The following LARP4B variants were observed in gnomAD, a reference collection of about 807,000 sequenced individuals.
LARP4B encodes la-related protein 4B.
In LARP4B, 12 loss-of-function variants were observed where a neutral mutation model predicts 89.8. That is an observed-to-expected ratio of 0.13 (90% CI 0.09 to 0.22). LARP4B has a LOEUF of 0.22. Ranked by LOEUF, LARP4B falls within the 10% of genes least tolerant of loss-of-function variation. The pLI is 1.00. For synonymous variants in LARP4B, 367 were observed against 363.3 expected (o/e 1.01, Z -0.12); for missense variants, 757 against 947.7 (o/e 0.80, Z 2.64).
At chr10:823,057 A>G (rs1261642281) in intron 13 of LARP4B, among the ~76,000 whole-genome samples, 3 of 152,210 alleles carry the variant, frequency 2.0e-5, no homozygotes, top group African/African-American at 7.2e-5. Context: ...CCTCCCTGCA[A>G]AACAGCACAA....
At chr10:891,182 T>C (rs1001966898) in intron 1 of LARP4B, among the ~76,000 whole-genome samples, 2 of 150,074 alleles carry the variant, frequency 1.3e-5, no homozygotes, top group East Asian at 1.9e-4. Context: ...CATGTGATCA[T>C]GACCCTAAAT....
At chr10:949,508 G>C in the LARP4B span, among the ~76,000 whole-genome samples, 1 of 129,726 alleles carries the variant, frequency 7.7e-6, no homozygotes, top group Non-Finnish European at 1.6e-5. Context: ...ACGAGCCCCA[G>C]GTGAGTGACC....
chr10:864,339 A>G lies in LARP4B; in HGVS notation c.142-69T>C, dbSNP rs1834781154. The G allele has an allele frequency of 4.0e-6, 6 of 1,500,276 alleles. 1 individual carries two copies. In the South Asian group the frequency reaches 6.9e-5, roughly 17 times the overall value. The allele number at this position is 1,500,276 out of a possible 1,614,324, so 92.9% of individuals were successfully genotyped here. ...CAAATACAATTTTACTCATTAATGCAGAGTTAAGAGACATCAGATATAGGC... is the reference window on the plus strand; with the variant it reads ...CAAATACAATTTTACTCATTAATGCGGAGTTAAGAGACATCAGATATAGGC... On this transcript the variant is annotated intron_variant, in intron 3 of 17. Transcript: ENST00000316157.
intron 7 of LARP4B, among the ~76,000 whole-genome samples, chr10:839,596 A>G (rs942383571): frequency 1.3e-5 from 2 of 152,240 alleles, no homozygotes; most frequent in African/African-American, 2.4e-5. Context: ...CCTCAACAAG[A>G]TATCACTATA....
At chr10:963,115 G>A in the LARP4B span, among the ~76,000 whole-genome samples, 1 of 152,206 alleles carries the variant, frequency 6.6e-6, no homozygotes, top group Admixed American at 6.5e-5. Context: ...CTGTGGCCAG[G>A]TGCCTGCTCT....
chr10:835,067 T>C (rs1174543782), intron 8 of LARP4B, among the ~76,000 whole-genome samples: 1 of 144,890 alleles, frequency 6.9e-6, no homozygotes, highest in Non-Finnish European at 1.5e-5. Flanking sequence ...AAGCAAGAAA[T>C]ATGCTGGTCC....
chr10:863,752 T>C lies in LARP4B; in HGVS notation c.421A>G (p.Ser141Gly), dbSNP rs778314793. The C allele has an allele frequency of 1.9e-6, 3 of 1,605,524 alleles. No individual in the cohort carries two copies. The highest frequency in any genetic ancestry group is 4.5e-5 in the East Asian group (2 of 44,788). ...PSEYDSLPEN[S>G]ETGGNESQPD... ...CATAAGATATGTTTACCTGTCTCGC[T>C]ATTTTCAGGCAGAGAGTCATATTCT... The change falls in exon 5 of 18, where the codon AGC (serine) becomes GGC (glycine). Residue 141 changes from serine (S) to glycine (G), a missense_variant. Physicochemically the swap from Ser to Gly is moderately conservative, Grantham distance 56. Coordinates refer to ENST00000316157, the MANE Select transcript of LARP4B (RefSeq NM_015155.3).
chr10:977,269 T>G, the LARP4B span, among the ~76,000 whole-genome samples: 1 of 151,864 alleles, frequency 6.6e-6, no homozygotes, highest in Non-Finnish European at 1.5e-5. Flanking sequence ...TCCTCCCACC[T>G]CAGCCTCCTG....
In LARP4B at chr10:884,428, A is replaced by T. The variant is rs1835789861; in HGVS notation, c.141+19T>A. On this transcript the variant is annotated intron_variant, in intron 3 of 17. Coordinates refer to ENST00000316157, the MANE Select transcript of LARP4B (RefSeq NM_015155.3). ...GACTGTGATTAAAAAATCTGTGATT[A>T]ATCTCAAAATTGAATTACCTGACTC... 1 of 1,537,790 alleles carries T rather than the reference A, an allele frequency of 6.5e-7. No homozygotes were observed. Among genetic ancestry groups the T allele is most frequent in the East Asian group, 2.3e-5 (1 of 44,402 alleles).
chr10:867,677 A>G (rs1834975965), intron 3 of LARP4B, among the ~76,000 whole-genome samples: 1 of 151,988 alleles, frequency 6.6e-6, no homozygotes, highest in South Asian at 2.1e-4. Flanking sequence ...CCTGGCCAAC[A>G]TGGTGAAACC....
chr10:917,639 C>T (rs1831469546), intron 1 of LARP4B, among the ~76,000 whole-genome samples: 1 of 152,140 alleles, frequency 6.6e-6, no homozygotes, highest in Non-Finnish European at 1.5e-5. Context: ...TCTGACAAGC[C>T]CAGGAACCTC....
At chr10:843,124 C>T in intron 6 of LARP4B, 56 bp from the exon 7 acceptor site, 1 of 1,505,072 alleles carries the variant, frequency 6.6e-7, no homozygotes, top group Non-Finnish European at 9.2e-7. Context: ...GAAGTTTCAC[C>T]TACTGTAATT....
At chr10:908,669 C>T (rs1836566951) in intron 1 of LARP4B, among the ~76,000 whole-genome samples, 1 of 152,200 alleles carries the variant, frequency 6.6e-6, no homozygotes, top group Non-Finnish European at 1.5e-5. Flanking sequence ...CCAGCGGTCA[C>T]AGAATTCTTC....
At chr10:886,083 A>G (rs1418725417) in intron 1 of LARP4B, among the ~76,000 whole-genome samples, 1 of 152,208 alleles carries the variant, frequency 6.6e-6, no homozygotes, top group Non-Finnish European at 1.5e-5. Context: ...CTTAATATCC[A>G]AGATATATAA....
upstream of LARP4B, among the ~76,000 whole-genome samples, chr10:933,381 G>A (rs144234347): frequency 1.7e-3 from 264 of 152,232 alleles, 1 homozygote; most frequent in African/African-American, 6.0e-3. Flanking sequence ...TCTGGGATTA[G>A]AGATGGGAGC....
At chr10:857,118 T>G (rs1389680635) in intron 5 of LARP4B, among the ~76,000 whole-genome samples, 1 of 151,838 alleles carries the variant, frequency 6.6e-6, no homozygotes, top group Non-Finnish European at 1.5e-5. Context: ...CTCAAGAAAG[T>G]TACAAGGCAT....
chr10:931,204 C>T (rs573951281), intron 1 of LARP4B, among the ~76,000 whole-genome samples: 103 of 149,524 alleles, frequency 6.9e-4, no homozygotes, highest in African/African-American at 2.1e-3. Context: ...TTTTCCTGGC[C>T]CTGACCCCGG....
chr10:918,743 T>A lies in LARP4B; in HGVS notation c.-40+12685A>T, dbSNP rs549634320. 1.2e-4 allele frequency among the ~76,000 whole-genome samples: 19 copies of A among 152,044 alleles called. 1 individual carries two copies. The South Asian group carries it at 2.5e-3, about 20-fold the overall frequency. ...TTACTGTTCGGAAATGTAGATAACTTTACTCAATCTTGTAGCATAGGATAT... is the reference window on the plus strand; with the variant it reads ...TTACTGTTCGGAAATGTAGATAACTATACTCAATCTTGTAGCATAGGATAT... On this transcript the variant is annotated intron_variant, in intron 1 of 17. Coordinates refer to ENST00000316157, the MANE Select transcript of LARP4B (RefSeq NM_015155.3).
At position 811,313 on chromosome 10, in the gene LARP4B, T is replaced by A. The variant is rs1831736728; in HGVS notation, c.*1613A>T. ...AGAATTTTCTCTGTAGGGTACCTTT[T>A]TCATATGTTCTGATTATTTACAACT... On this transcript the variant is annotated 3_prime_UTR_variant, in exon 18 of 18. Coordinates refer to ENST00000316157, the MANE Select transcript of LARP4B (RefSeq NM_015155.3). 1 of 152,666 alleles carries A rather than the reference T, an allele frequency of 6.6e-6. No individual in the cohort carries two copies. The highest frequency in any genetic ancestry group is 2.4e-5 in the African/African-American group (1 of 41,458). 9.5% of individuals were successfully genotyped at this position (152,666 alleles called of 1,614,324 possible).
Sources: gnomAD v4.1 joint callset for allele counts (sites outside exome capture counted in the v4.1 genomes callset) on GRCh38, gnomAD v4.1.1 for gene constraint, MANE v1.5 for transcripts, NCBI Gene and HGNC (gene_info 2026-07-23, HGNC 2026-07-21) for gene names.